TUT4: variants seen among roughly 807,000 people sequenced by gnomAD.
TUT4 encodes terminal uridylyltransferase 4.
A neutral mutation model predicts 192.2 loss-of-function variants in TUT4; 36 were observed. The ratio of observed to expected loss-of-function variants is 0.19; its 90% CI spans 0.14 to 0.25. The LOEUF (loss-of-function observed/expected upper bound fraction) is 0.25, where lower values mean the gene tolerates loss of function less well. TUT4 is among the 10% of genes least tolerant of loss of function. The probability of loss-of-function intolerance (pLI) is 1.00; values close to 1 mark genes in which losing one functional copy is unlikely to be tolerated. For missense variants in TUT4, 1,493 were observed against 1,957.2 expected (o/e 0.76, Z 4.47); for synonymous variants, 618 against 666.0 (o/e 0.93, Z 1.11).
At chr1:52,490,493 GA>G (rs113552548) in intron 8 of TUT4, among the ~76,000 whole-genome samples, 227 of 143,702 alleles carry the variant, frequency 1.6e-3, no homozygotes, top group Middle Eastern at 0.011. Flanking sequence ...TGAATGACTT[GA>G]AAAAAAAAAA....
At chr1:52,445,901 C>T (rs778091417) in intron 23 of TUT4, 32 bp from the exon 24 acceptor site, 1 of 1,599,170 alleles carries the variant, frequency 6.3e-7, no homozygotes. Context: ...AATAAAGATG[C>T]AGACATTAAT....
In TUT4 at chr1:52,446,342, T is replaced by C; in HGVS notation, c.3614A>G (p.Tyr1205Cys). Residue 1205 changes from tyrosine to cysteine, a missense_variant, in exon 22 of 30, where the codon TAT (tyrosine) becomes TGT (cysteine). Tyr to Cys is a radical substitution (Grantham distance 194). Around this residue, in one of 7 missense-constraint regions of TUT4, gnomAD observed 141 missense variants for 382.7 expected, o/e 0.37. Coordinates refer to ENST00000257177, the MANE Select transcript of TUT4 (RefSeq NM_001009881.3). ...CTTTTTCTGCCGAATGCTAATTACA[T>C]ATTCCTTGAAATCAAACTCTTCAGT... ...FYTEEFDFKEYVISIRQKKLL... is the reference protein window; with the variant it reads ...FYTEEFDFKECVISIRQKKLL... 1.9e-6 allele frequency: 3 copies of C among 1,613,958 alleles called. No individual in the cohort carries two copies. The highest frequency in any genetic ancestry group is 2.5e-6 in the Non-Finnish European group (3 of 1,179,934).
rs576528504 is a variant in TUT4, at chr1:52,550,564, G to T, written c.-94+2367C>A. ...GTCGCCCAGGCTGGAGTACAGTGGC[G>T]CAACTGTGCCTCACTGCAACCTTGA... On this transcript the variant is annotated intron_variant, in intron 1 of 29. Transcript: ENST00000257177. Among the ~76,000 whole-genome samples, 3 of 148,154 alleles carry T rather than the reference G, an allele frequency of 2.0e-5. No homozygotes were observed. In the East Asian group the frequency reaches 5.9e-4, roughly 29 times the overall value.
chr1:52,495,647 G>C (rs1672267941), intron 5 of TUT4, 132 bp from the exon 6 acceptor site: 2 of 564,056 alleles, frequency 3.5e-6, no homozygotes, highest in Non-Finnish European at 6.2e-6. Context: ...TATACAAGAA[G>C]AACACCCTTT....
Position 52,461,208 on chromosome 1 carries a change from T to C in TUT4, c.3247A>G (p.Arg1083Gly). Residue 1083 changes from arginine (R) to glycine (G), a missense_variant, in exon 19 of 30, where the codon AGA (arginine) becomes GGA (glycine). Around this residue, in one of 7 missense-constraint regions of TUT4, gnomAD observed 141 missense variants for 382.7 expected, o/e 0.37. Transcript: ENST00000257177. ...LYNTLAQHNT[R>G]MLATYAAIDP... ...ATAGCTGCATAAGTAGCTAGCATTC[T>C]TGTGTTATGTTGAGCCTGAAAAATA... The C allele has an allele frequency of 6.2e-7, 1 of 1,605,926 alleles. No homozygotes were observed. Among genetic ancestry groups the C allele is most frequent in the Non-Finnish European group, 8.5e-7 (1 of 1,176,396 alleles).
chr1:52,447,751 T>C (rs1037674861), intron 20 of TUT4, among the ~76,000 whole-genome samples: 3 of 152,198 alleles, frequency 2.0e-5, no homozygotes, highest in African/African-American at 7.2e-5. Flanking sequence ...TCCTGAGGAA[T>C]AGTGGTTCTG....
chr1:52,461,434 A>C (rs1557721609), intron 18 of TUT4, 79 bp downstream of exon 18: 1 of 1,390,424 alleles, frequency 7.2e-7, no homozygotes, highest in South Asian at 1.3e-5. Flanking sequence ...TTCACATTTG[A>C]AAGTTTTAAA....
intron 16 of TUT4, 151 bp from the exon 17 acceptor site, chr1:52,461,920 C>T (rs539550895): frequency 4.5e-5 from 23 of 515,284 alleles, no homozygotes; most frequent in African/African-American, 3.8e-4. Context: ...CATAGACCTA[C>T]AGTATCAGCA....
At chr1:52,515,716 A>C in intron 3 of TUT4, 175 bp downstream of exon 3, 1 of 731,260 alleles carries the variant, frequency 1.4e-6, no homozygotes, top group Non-Finnish European at 2.3e-6. Flanking sequence ...CTGCTGAAAA[A>C]GAGAGGCAAG....
At position 52,468,227 on chromosome 1, in the gene TUT4, C is replaced by T; in HGVS notation, c.2919G>A (p.Glu973=). 6.2e-7 allele frequency: 1 copy of T among 1,610,188 alleles called. No individual in the cohort carries two copies. The highest frequency in any genetic ancestry group is 1.1e-5 in the South Asian group (1 of 90,140). The change falls in exon 15 of 30, where the codon GAG becomes GAA. Residue 973 remains glutamate, a synonymous_variant. Transcript: ENST00000257177. ...ACTTTTCCAAGCCAATTAAAATTTG[C>T]TCCCTGTTGTGTTGTTCAGAACAAG... ...SPPCSEQHNR[E]QILIGLEKFI...
chr1:52,436,845 G>A lies in TUT4; in HGVS notation c.4072C>T (p.Leu1358Phe). Residue 1358 changes from leucine (L) to phenylalanine (F), a missense_variant, in exon 26 of 30, where the codon CTC (leucine) becomes TTC (phenylalanine). Physicochemically the swap from Leu to Phe is conservative, Grantham distance 22 (BLOSUM62 0). Around this residue, in one of 7 missense-constraint regions of TUT4, gnomAD observed 351 missense variants for 397.8 expected, o/e 0.88. Coordinates refer to ENST00000257177, the MANE Select transcript of TUT4 (RefSeq NM_001009881.3). ...DTRDFRDPRD[L>F]RCFICGDAGH... ...GCATCTCCACATATAAAACATCTGA[G>A]GTCTCTCGGGTCTCTAAAGTCTCGA... The A allele has an allele frequency of 6.2e-7, 1 of 1,613,730 alleles. No homozygotes were observed. The highest frequency in any genetic ancestry group is 8.5e-7 in the Non-Finnish European group (1 of 1,180,002).
intron 2 of TUT4, among the ~76,000 whole-genome samples, chr1:52,516,867 G>C (rs1678846718): frequency 6.6e-6 from 1 of 152,136 alleles, no homozygotes; most frequent in Admixed American, 6.6e-5. Context: ...AACTGAGAGG[G>C]AGACCAACTT....
At chr1:52,427,367 A>G (rs1650326551) in intron 28 of TUT4, among the ~76,000 whole-genome samples, 1 of 151,914 alleles carries the variant, frequency 6.6e-6, no homozygotes, top group African/African-American at 2.4e-5. Context: ...CAACTTAGAT[A>G]AGCAACCAGG....
In TUT4 at chr1:52,477,970, G is replaced by A. The variant is rs1233177010; in HGVS notation, c.1849-88C>T. The A allele has an allele frequency of 2.7e-5, 34 of 1,272,402 alleles. No individual in the cohort carries two copies. In the Admixed American group the frequency reaches 6.1e-4, roughly 23 times the overall value. 78.8% of individuals were successfully genotyped at this position (1,272,402 alleles called of 1,614,324 possible). A position where few individuals can be genotyped will look rare whatever the true frequency, so the allele number is the denominator to read the frequency against. ...AGTTAGAGAAGACCTTGGAGATCAC[G>A]TTTTCAAAAACTGAGACATGAAGGA... On this transcript the variant is annotated intron_variant, in intron 11 of 29. Coordinates refer to ENST00000257177, the MANE Select transcript of TUT4 (RefSeq NM_001009881.3).
Position 52,475,204 on chromosome 1 carries a change from T to C in TUT4, c.2355A>G (p.Val785=), listed in dbSNP as rs1479655117. The change falls in exon 13 of 30, where the codon GTA becomes GTG. Residue 785 remains valine, a synonymous_variant. Transcript: ENST00000257177. The part of the protein sequence containing the change: ...RCIIDNNNLL[V]NELDFADHGQ... Reference sequence around the variant, plus strand: ...CGTGGTCAGCAAAATCTAGTTCATTTACCAACAAATTGTTGTTGTCAATAA... The same window carrying C: ...CGTGGTCAGCAAAATCTAGTTCATTCACCAACAAATTGTTGTTGTCAATAA... 3 of 1,614,072 alleles carry C rather than the reference T, an allele frequency of 1.9e-6. No individual in the cohort carries two copies. The African/African-American group carries it at 4.0e-5, about 22-fold the overall frequency.
At chr1:52,442,753 T>C (rs577681971) in intron 24 of TUT4, among the ~76,000 whole-genome samples, 16 of 152,262 alleles carry the variant, frequency 1.1e-4, no homozygotes, top group African/African-American at 3.4e-4. Flanking sequence ...TAAACTAGTA[T>C]ATCCAAGTTA....
At chr1:52,458,513 CATT>C in intron 19 of TUT4, 64 bp from the exon 20 acceptor site, 1 of 1,199,378 alleles carries the variant, frequency 8.3e-7, no homozygotes, top group Non-Finnish European at 1.2e-6. Flanking sequence ...GTATATTAAA[CATT>C]CTGCCACATC....
At chr1:52,425,911 G>A (rs1171787274) in intron 28 of TUT4, among the ~76,000 whole-genome samples, 3 of 152,106 alleles carry the variant, frequency 2.0e-5, no homozygotes, top group Non-Finnish European at 2.9e-5. Flanking sequence ...ATGTACAAAA[G>A]CCTGAAAGCA....
chr1:52,473,673 C>G (rs1666356111), intron 13 of TUT4, among the ~76,000 whole-genome samples: 1 of 151,814 alleles, frequency 6.6e-6, no homozygotes, highest in Non-Finnish European at 1.5e-5. Context: ...AAACAATAAG[C>G]CTGGATAAGG....
Sources: allele counts gnomAD v4.1 joint callset (sites outside exome capture counted in the v4.1 genomes callset), GRCh38; gene constraint gnomAD v4.1.1; regional missense constraint gnomAD v4.1.1; transcripts MANE v1.5; gene names NCBI Gene and HGNC (gene_info 2026-07-23, HGNC 2026-07-21).